Variants in FAT3 observed in about 807,000 individuals in gnomAD.
FAT3 encodes protocadherin Fat 3.
FAT3 carries 95 observed loss-of-function variants against 310.2 expected under a neutral mutation model. The observed-to-expected ratio is 0.31, with a 90% confidence interval of 0.26 to 0.36. The LOEUF is 0.36. Ranked by LOEUF, FAT3 falls within the 10% of genes least tolerant of loss-of-function variation. The pLI is 1.00. For synonymous variants in FAT3, 2,314 were observed against 2,192.9 expected (o/e 1.06, Z -1.54); for missense variants, 5,408 against 5,715.6 (o/e 0.95, Z 1.74).
intron 1 of FAT3, among the ~76,000 whole-genome samples, chr11:92,341,977 A>G (rs1450986837): frequency 6.6e-6 from 1 of 152,016 alleles, no homozygotes. Flanking sequence ...CATTTTAGCA[A>G]GTTTTCATTG....
intron 3 of FAT3, among the ~76,000 whole-genome samples, chr11:92,562,463 T>C (rs974133050): frequency 6.6e-6 from 1 of 152,188 alleles, no homozygotes; most frequent in Non-Finnish European, 1.5e-5. Context: ...TCTTCTTACC[T>C]GTAAAGTGGA....
chr11:92,241,887 G>A (rs576405366), intron 1 of FAT3, among the ~76,000 whole-genome samples: 2 of 152,006 alleles, frequency 1.3e-5, no homozygotes, highest in South Asian at 4.1e-4. Flanking sequence ...ATATTATTTT[G>A]GCACAGTGGA....
intron 3 of FAT3, among the ~76,000 whole-genome samples, chr11:92,529,137 G>T (rs1042259008): frequency 1.3e-5 from 2 of 152,200 alleles, no homozygotes; most frequent in African/African-American, 4.8e-5. Flanking sequence ...AGGGAATTTA[G>T]TCTCATAGGA....
intron 1 of FAT3, among the ~76,000 whole-genome samples, chr11:92,321,698 C>G (rs1947624426): frequency 6.6e-6 from 1 of 152,132 alleles, no homozygotes; most frequent in Admixed American, 6.5e-5. Context: ...CAGTTAAATC[C>G]TGACTTTGTG....
chr11:92,533,538 T>C (rs975384260), intron 3 of FAT3, among the ~76,000 whole-genome samples: 1 of 152,214 alleles, frequency 6.6e-6, no homozygotes, highest in African/African-American at 2.4e-5. Flanking sequence ...GGAAAATGAT[T>C]GCTCGATGCT....
chr11:92,438,810 T>A (rs1054149415), intron 2 of FAT3, among the ~76,000 whole-genome samples: 1 of 152,196 alleles, frequency 6.6e-6, no homozygotes, highest in African/African-American at 2.4e-5. Flanking sequence ...ATGGTGCTTT[T>A]CCACAAGGTA....
chr11:92,499,586 G>A (rs1426557041), intron 2 of FAT3, among the ~76,000 whole-genome samples: 1 of 151,928 alleles, frequency 6.6e-6, no homozygotes, highest in Non-Finnish European at 1.5e-5. Flanking sequence ...GATGCTGATA[G>A]CAAAAAAATT....
chr11:92,259,356 G>A (rs755293192), intron 1 of FAT3, among the ~76,000 whole-genome samples: 2 of 152,048 alleles, frequency 1.3e-5, no homozygotes, highest in African/African-American at 2.4e-5. Flanking sequence ...TGAAGGGTAT[G>A]TTAATTATTT....
chr11:92,229,101 T>G (rs1217431526), intron 1 of FAT3, among the ~76,000 whole-genome samples: 1 of 152,228 alleles, frequency 6.6e-6, no homozygotes, highest in South Asian at 2.1e-4. Context: ...AATTCCTTCC[T>G]AGAGTTAGCA....
intron 3 of FAT3, among the ~76,000 whole-genome samples, chr11:92,556,938 CT>C (rs1955042436): frequency 6.6e-6 from 1 of 152,102 alleles, no homozygotes; most frequent in Admixed American, 6.5e-5. Context: ...GTTTATGCCC[CT>C]GATCTAAACC....
chr11:92,561,291 T>TGTGTG, intron 3 of FAT3, among the ~76,000 whole-genome samples: 1 of 114,114 alleles, frequency 8.8e-6, no homozygotes, highest in Non-Finnish European at 2.0e-5. Flanking sequence ...GTGTGTGTGT[T>TGTGTG]TACCCAAAAT....
intron 22 of FAT3, among the ~76,000 whole-genome samples, chr11:92,868,077 C>T (rs1949293620): frequency 6.6e-6 from 1 of 152,134 alleles, no homozygotes; most frequent in South Asian, 2.1e-4. Flanking sequence ...GGCTTGCCAC[C>T]TCGCAACAGC....
chr11:92,297,974 G>C (rs541632366), intron 1 of FAT3, among the ~76,000 whole-genome samples: 1 of 152,206 alleles, frequency 6.6e-6, no homozygotes, highest in South Asian at 2.1e-4. Context: ...AACCAGCATT[G>C]GCCTGTCTGG....
Position 92,261,279 on chromosome 11 carries a change from A to C in FAT3, c.-18+36105A>C, listed in dbSNP as rs377683048. Among the ~76,000 whole-genome samples, 7 of 152,230 alleles carry C rather than the reference A, an allele frequency of 4.6e-5. No individual in the cohort carries two copies. In the East Asian group the frequency reaches 1.4e-3, roughly 30 times the overall value. On this transcript the variant is annotated intron_variant, in intron 1 of 27. Coordinates refer to ENST00000525166, the MANE Select transcript of FAT3 (RefSeq NM_001367949.2). ...ACATCATTAAATAGGAAAGGTAAGGAGGGCTACACCCAGTTTAAAGATATC... is the reference window on the plus strand; with the variant it reads ...ACATCATTAAATAGGAAAGGTAAGGCGGGCTACACCCAGTTTAAAGATATC...
At chr11:92,758,659 A>G (rs1229416248) in intron 4 of FAT3, among the ~76,000 whole-genome samples, 1 of 152,230 alleles carries the variant, frequency 6.6e-6, no homozygotes, top group Non-Finnish European at 1.5e-5. Context: ...TTTTTGAAGA[A>G]GAAATATCAC....
intron 3 of FAT3, among the ~76,000 whole-genome samples, chr11:92,616,423 C>T (rs928565208): frequency 1.3e-5 from 2 of 152,024 alleles, no homozygotes; most frequent in African/African-American, 4.8e-5. Context: ...GGTCTTGACT[C>T]TTTATCCAAT....
chr11:92,827,696 T>C (rs1249279589), intron 13 of FAT3, among the ~76,000 whole-genome samples: 4 of 152,210 alleles, frequency 2.6e-5, no homozygotes, highest in Non-Finnish European at 2.9e-5. Context: ...AATATAGATG[T>C]CTTTCACAAC....
intron 2 of FAT3, among the ~76,000 whole-genome samples, chr11:92,376,530 G>A (rs1949351602): frequency 6.6e-6 from 1 of 152,134 alleles, no homozygotes; most frequent in Admixed American, 6.5e-5. Flanking sequence ...TAGATGACCT[G>A]TCACTTTCAA....
At chr11:92,422,289 C>G (rs1468448886) in intron 2 of FAT3, among the ~76,000 whole-genome samples, 1 of 152,182 alleles carries the variant, frequency 6.6e-6, no homozygotes, top group Non-Finnish European at 1.5e-5. Flanking sequence ...GAAATGGGCT[C>G]TACTAGCCCC....
Sources: allele counts gnomAD v4.1 joint callset (sites outside exome capture counted in the v4.1 genomes callset), GRCh38; gene constraint gnomAD v4.1.1; transcripts MANE v1.5; gene names NCBI Gene and HGNC (gene_info 2026-07-23, HGNC 2026-07-21).